TSPAN18: variants seen among roughly 807,000 people sequenced by gnomAD.
TSPAN18 encodes the protein tetraspanin 18, also known as tetraspanin-18.
In TSPAN18, 14 loss-of-function variants were observed where a neutral mutation model predicts 27.3. The ratio of observed to expected loss-of-function variants is 0.51; its 90% CI spans 0.34 to 0.80. TSPAN18 has a LOEUF of 0.80. Among genes scored for constraint, TSPAN18 ranks in the 30% least tolerant of loss-of-function variants. The pLI is 0.01. For synonymous variants in TSPAN18, 143 were observed against 136.5 expected, an observed-to-expected ratio of 1.05 and a Z score of -0.33; for missense variants, 268 against 323.9, an observed-to-expected ratio of 0.83 and a Z score of 1.32.
intron 2 of TSPAN18, among the ~76,000 whole-genome samples, chr11:44,840,605 C>G (rs1040151779): frequency 3.9e-5 from 6 of 152,188 alleles, no homozygotes; most frequent in African/African-American, 1.4e-4. Flanking sequence ...GGCACAGATT[C>G]CCATGGGCAA....
At chr11:44,782,486 T>C (rs535550032) in intron 2 of TSPAN18, among the ~76,000 whole-genome samples, 1 of 147,050 alleles carries the variant, frequency 6.8e-6, no homozygotes, top group South Asian at 2.1e-4. Context: ...GAGGTTGCAA[T>C]GAGCAGAGAT....
rs835987 is a variant in TSPAN18 at position 44,925,241 on chromosome 11, C to A, written c.616-1433C>A. Among the ~76,000 whole-genome samples the A allele has an allele frequency of 3.2e-3, 484 of 152,350 alleles. 3 individuals are homozygous for A. Among genetic ancestry groups the A allele is most frequent in the African/African-American group, 0.011 (452 of 41,572 alleles). On this transcript the variant is annotated intron_variant, in intron 8 of 9. Transcript: ENST00000520358. ...TGGGTATCGTCCTATAATGCTGATA[C>A]CTGGGCTCCACACCAGACCCACTGA...
intron 3 of TSPAN18, among the ~76,000 whole-genome samples, chr11:44,877,047 G>T (rs1391360719): frequency 6.6e-6 from 1 of 152,268 alleles, no homozygotes; most frequent in African/African-American, 2.4e-5. Context: ...GAGGAAAGGA[G>T]GCCCAGAGGG....
chr11:44,879,000 G>A (rs768269903), intron 3 of TSPAN18, among the ~76,000 whole-genome samples: 1 of 152,292 alleles, frequency 6.6e-6, no homozygotes, highest in Non-Finnish European at 1.5e-5. Context: ...TCACAGCCAC[G>A]CGACCTGCGT....
At chr11:44,850,184 G>A (rs563353383) in intron 2 of TSPAN18, among the ~76,000 whole-genome samples, 1 of 152,196 alleles carries the variant, frequency 6.6e-6, no homozygotes, top group Non-Finnish European at 1.5e-5. Context: ...TTCACCAGGG[G>A]TGCTTGTCCC....
chr11:44,826,252 G>A (rs1282661366), intron 2 of TSPAN18, among the ~76,000 whole-genome samples: 2 of 152,092 alleles, frequency 1.3e-5, no homozygotes, highest in African/African-American at 2.4e-5. Flanking sequence ...GAGAAACCCC[G>A]TCTCTACTAA....
chr11:44,882,585 G>GACACACAC (rs199874715), intron 3 of TSPAN18, among the ~76,000 whole-genome samples: 992 of 92,224 alleles, frequency 0.011, 4 homozygotes, highest in African/African-American at 0.016. Flanking sequence ...GTCAGAGAGA[G>GACACACAC]AGACACACAC....
intron 1 of TSPAN18, among the ~76,000 whole-genome samples, chr11:44,761,407 A>C (rs1382668887): frequency 1.3e-5 from 2 of 152,300 alleles, no homozygotes; most frequent in East Asian, 3.9e-4. Flanking sequence ...AGGGGACTGC[A>C]ATGAGATCTC....
At chr11:44,790,434 T>C (rs1189324812) in intron 2 of TSPAN18, among the ~76,000 whole-genome samples, 3 of 151,070 alleles carry the variant, frequency 2.0e-5, no homozygotes, top group African/African-American at 7.3e-5. Flanking sequence ...CATGTGTGTG[T>C]ACATGTGTTC....
intron 2 of TSPAN18, among the ~76,000 whole-genome samples, chr11:44,854,968 T>C (rs1375621754): frequency 1.3e-5 from 2 of 152,252 alleles, no homozygotes; most frequent in Non-Finnish European, 2.9e-5. Context: ...CCTTCCTTTA[T>C]GACTTCCCAA....
At chr11:44,903,923 C>T in intron 3 of TSPAN18, 1 of 455,340 alleles carries the variant, frequency 2.2e-6, no homozygotes, top group Non-Finnish European at 4.4e-6. Flanking sequence ...GTATTAATCT[C>T]ATGGGTTGTT....
intron 2 of TSPAN18, among the ~76,000 whole-genome samples, chr11:44,795,331 T>A (rs923266233): frequency 7.2e-6 from 1 of 138,034 alleles, no homozygotes; most frequent in African/African-American, 2.5e-5. Flanking sequence ...CATGAGGCGA[T>A]GTTTAAGATG....
intron 2 of TSPAN18, among the ~76,000 whole-genome samples, chr11:44,816,155 A>T (rs1856814679): frequency 4.0e-5 from 1 of 25,170 alleles, no homozygotes; most frequent in African/African-American, 6.8e-5. Context: ...TGTTAGCGCC[A>T]ATGTAGACCA....
At chr11:44,798,152 C>G (rs756597548) in intron 2 of TSPAN18, among the ~76,000 whole-genome samples, 2 of 152,164 alleles carry the variant, frequency 1.3e-5, no homozygotes. Flanking sequence ...CAGAGAGGCC[C>G]GTGCCCTCCC....
At chr11:44,875,882 T>G (rs901122894) in intron 3 of TSPAN18, among the ~76,000 whole-genome samples, 1 of 152,340 alleles carries the variant, frequency 6.6e-6, no homozygotes, top group East Asian at 1.9e-4. Flanking sequence ...TTATAAAATC[T>G]TAGTGTTTCT....
chr11:44,898,199 C>A (rs1017053150), intron 3 of TSPAN18, among the ~76,000 whole-genome samples: 2 of 152,166 alleles, frequency 1.3e-5, no homozygotes, highest in South Asian at 2.1e-4. Context: ...TAGCACATAG[C>A]GTATGTGCTG....
At chr11:44,825,483 C>T (rs1162512490) in intron 2 of TSPAN18, among the ~76,000 whole-genome samples, 2 of 152,200 alleles carry the variant, frequency 1.3e-5, no homozygotes, top group Non-Finnish European at 2.9e-5. Context: ...CCACCTTCTG[C>T]AGTGTGCGCC....
At chr11:44,892,622 C>T (rs1160011177) in intron 3 of TSPAN18, among the ~76,000 whole-genome samples, 1 of 152,228 alleles carries the variant, frequency 6.6e-6, no homozygotes, top group Non-Finnish European at 1.5e-5. Flanking sequence ...GCAGAGGGAC[C>T]TCCGACCTGT....
At chr11:44,916,790 T>A (rs2135358305) in intron 5 of TSPAN18, among the ~76,000 whole-genome samples, 1 of 152,282 alleles carries the variant, frequency 6.6e-6, no homozygotes, top group African/African-American at 2.4e-5. Flanking sequence ...GTCTGGCTGC[T>A]GCCTGGGTGC....
Sources: gnomAD v4.1 joint callset for allele counts (sites outside exome capture counted in the v4.1 genomes callset) on GRCh38, gnomAD v4.1.1 for gene constraint, MANE v1.5 for transcripts, NCBI Gene and HGNC (gene_info 2026-07-23, HGNC 2026-07-21) for gene names.